Variants in PTPRD observed in about 807,000 individuals in gnomAD.
The protein encoded by PTPRD is receptor-type tyrosine-protein phosphatase delta.
In PTPRD, 34 loss-of-function variants were observed where a neutral mutation model predicts 214.5. The ratio of observed to expected loss-of-function variants is 0.16; its 90% CI spans 0.12 to 0.21. The LOEUF is 0.21. Among genes scored for constraint, PTPRD ranks in the 10% least tolerant of loss-of-function variants. The pLI, the probability that PTPRD is intolerant of heterozygous loss-of-function variation, is 1.00. For synonymous variants in PTPRD, 1,128 were observed against 845.7 expected (o/e 1.33, Z -5.79); for missense variants, 2,545 against 2,398.7 (o/e 1.06, Z -1.27).
chr9:8,443,799 C>T (rs1424827827), intron 34 of PTPRD, among the ~76,000 whole-genome samples: 1 of 152,104 alleles, frequency 6.6e-6, no homozygotes, highest in African/African-American at 2.4e-5. Flanking sequence ...TCTTCTCTTA[C>T]AACTTTCTTT....
At chr9:9,518,435 C>T (rs114384185) in intron 8 of PTPRD, among the ~76,000 whole-genome samples, 3,177 of 152,088 alleles carry the variant, frequency 0.021, 126 homozygotes, top group African/African-American at 0.071. Flanking sequence ...GAGATAGGTG[C>T]TTTAAAATTT....
intron 9 of PTPRD, among the ~76,000 whole-genome samples, chr9:9,259,898 AT>A: frequency 6.6e-6 from 1 of 151,834 alleles, no homozygotes; most frequent in Admixed American, 6.6e-5. Context: ...AGGAAAAGTG[AT>A]GCGAGGAGGG....
chr9:9,769,885 T>G (rs2098738312), intron 5 of PTPRD, among the ~76,000 whole-genome samples: 2 of 152,122 alleles, frequency 1.3e-5, no homozygotes, highest in South Asian at 4.1e-4. Context: ...CTGTATTAGT[T>G]TTCTGAGAAT....
chr9:8,906,867 C>T (rs182979807), intron 11 of PTPRD, among the ~76,000 whole-genome samples: 39 of 152,076 alleles, frequency 2.6e-4, no homozygotes, highest in African/African-American at 9.4e-4. Context: ...CTACACATCC[C>T]CGGCTGACTG....
intron 11 of PTPRD, among the ~76,000 whole-genome samples, chr9:8,833,591 T>A (rs1160058033): frequency 6.6e-6 from 1 of 151,606 alleles, no homozygotes; most frequent in Non-Finnish European, 1.5e-5. Flanking sequence ...TGGTCCATTT[T>A]TCATATTGAA....
chr9:8,583,014 T>G (rs1169877587), intron 14 of PTPRD, among the ~76,000 whole-genome samples: 5 of 152,134 alleles, frequency 3.3e-5, no homozygotes, highest in African/African-American at 1.2e-4. Flanking sequence ...ATTAATAAAT[T>G]GGGGGTTATT....
intron 5 of PTPRD, among the ~76,000 whole-genome samples, chr9:9,787,342 T>C (rs1018893829): frequency 2.0e-5 from 3 of 151,476 alleles, no homozygotes; most frequent in African/African-American, 7.3e-5. Flanking sequence ...AAAGGTCCAA[T>C]TGGTTTATGA....
intron 7 of PTPRD, among the ~76,000 whole-genome samples, chr9:9,648,289 T>G (rs1290181919): frequency 6.6e-6 from 1 of 152,134 alleles, no homozygotes; most frequent in African/African-American, 2.4e-5. Flanking sequence ...GACCTAACCT[T>G]TGGAAGGTGC....
At chr9:10,492,942 T>C (rs1398616413) in intron 2 of PTPRD, among the ~76,000 whole-genome samples, 1 of 152,040 alleles carries the variant, frequency 6.6e-6, no homozygotes, top group African/African-American at 2.4e-5. Context: ...ATCACAAGCA[T>C]TCCTACACAC....
intron 3 of PTPRD, among the ~76,000 whole-genome samples, chr9:10,136,062 C>G (rs1034816172): frequency 1.3e-5 from 2 of 151,424 alleles, no homozygotes; most frequent in African/African-American, 4.9e-5. Flanking sequence ...AACTGCAAAA[C>G]CAAAAAGAGC....
At chr9:9,338,874 G>C (rs1239021814) in intron 9 of PTPRD, among the ~76,000 whole-genome samples, 1 of 151,970 alleles carries the variant, frequency 6.6e-6, no homozygotes, top group Non-Finnish European at 1.5e-5. Flanking sequence ...CCTGGTGTGT[G>C]ATATTCCCCT....
At chr9:10,503,203 A>AAAAAAAAC (rs1555437260) in intron 2 of PTPRD, among the ~76,000 whole-genome samples, 1 of 133,914 alleles carries the variant, frequency 7.5e-6, no homozygotes, top group South Asian at 2.2e-4. Context: ...CAAAAAAAAA[A>AAAAAAAAC]AAAACAAAAA....
chr9:9,261,574 G>C (rs1475715776), intron 9 of PTPRD, among the ~76,000 whole-genome samples: 1 of 151,768 alleles, frequency 6.6e-6, no homozygotes, highest in African/African-American at 2.4e-5. Context: ...GATAAAATGG[G>C]GGAAGGGGTG....
intron 14 of PTPRD, among the ~76,000 whole-genome samples, chr9:8,585,175 T>C (rs1194856240): frequency 2.0e-5 from 3 of 152,130 alleles, no homozygotes; most frequent in Non-Finnish European, 4.4e-5. Context: ...TCTTCAAATA[T>C]GAAATATGAA....
chr9:9,145,596 C>T (rs992578632), intron 10 of PTPRD, among the ~76,000 whole-genome samples: 10 of 151,916 alleles, frequency 6.6e-5, no homozygotes, highest in Admixed American at 2.0e-4. Flanking sequence ...AGCTGCTAGG[C>T]CAATAATAAC....
chr9:9,360,475 A>G (rs1373099267), intron 9 of PTPRD, among the ~76,000 whole-genome samples: 4 of 151,178 alleles, frequency 2.6e-5, no homozygotes, highest in Non-Finnish European at 5.9e-5. Context: ...GAAAGATTTG[A>G]TTAGGCTAAG....
At chr9:10,367,916 TA>T (rs2097543706) in intron 2 of PTPRD, among the ~76,000 whole-genome samples, 1 of 151,930 alleles carries the variant, frequency 6.6e-6, no homozygotes, top group Admixed American at 6.6e-5. Flanking sequence ...ATATTTCACT[TA>T]TTAGAGACAA....
chr9:9,812,573 G>C (rs1384039328), intron 5 of PTPRD, among the ~76,000 whole-genome samples: 1 of 148,836 alleles, frequency 6.7e-6, no homozygotes, highest in Non-Finnish European at 1.5e-5. Flanking sequence ...CACAAAAAAA[G>C]TCACTATATA....
intron 2 of PTPRD, among the ~76,000 whole-genome samples, chr9:10,589,755 A>C (rs973049822): frequency 3.3e-5 from 5 of 152,030 alleles, no homozygotes; most frequent in Admixed American, 3.3e-4. Context: ...GAAGGCTTAG[A>C]ATCAGGATAA....
Sources: gnomAD v4.1 joint callset for allele counts (sites outside exome capture counted in the v4.1 genomes callset) on GRCh38, gnomAD v4.1.1 for gene constraint, MANE v1.5 for transcripts, NCBI Gene and HGNC (gene_info 2026-07-23, HGNC 2026-07-21) for gene names.